The following FER variants were observed in gnomAD, a reference collection of about 807,000 sequenced individuals.
The protein encoded by FER is FER tyrosine kinase, also known as tyrosine-protein kinase Fer.
FER carries 63 observed loss-of-function variants against 111.0 expected under a neutral mutation model. The observed-to-expected ratio is 0.57, with a 90% CI of 0.46 to 0.70. FER has a LOEUF of 0.70. FER is among the 30% of genes least tolerant of loss of function. The probability of loss-of-function intolerance (pLI) is 0.00; values close to 1 mark genes in which losing one functional copy is unlikely to be tolerated. For missense variants in FER, 914 were observed against 954.0 expected, an observed-to-expected ratio of 0.96 and a Z score of 0.55; for synonymous variants, 327 against 313.9, an observed-to-expected ratio of 1.04 and a Z score of -0.44.
intron 13 of FER, among the ~76,000 whole-genome samples, chr5:109,024,505 C>G (rs962938514): frequency 6.6e-6 from 1 of 152,180 alleles, no homozygotes; most frequent in Non-Finnish European, 1.5e-5. Context: ...CTGGTAGCCA[C>G]TGGGGACAGT....
intron 17 of FER, among the ~76,000 whole-genome samples, chr5:109,145,732 G>C (rs1227679053): frequency 1.3e-5 from 2 of 152,018 alleles, no homozygotes; most frequent in East Asian, 3.9e-4. Flanking sequence ...ATTTGTGGAA[G>C]GGAGGCTGTA....
intron 13 of FER, among the ~76,000 whole-genome samples, chr5:108,993,768 T>G (rs1450819358): frequency 6.6e-6 from 1 of 152,188 alleles, no homozygotes; most frequent in Non-Finnish European, 1.5e-5. Flanking sequence ...GCATCCCTGT[T>G]TCTCCATAGC....
At chr5:109,042,425 G>A (rs116073885) in intron 14 of FER, among the ~76,000 whole-genome samples, 1 of 152,152 alleles carries the variant, frequency 6.6e-6, no homozygotes, top group Non-Finnish European at 1.5e-5. Flanking sequence ...ATGATACAGA[G>A]TGATGAGTGT....
chr5:108,921,965 A>G (rs1043939126), intron 10 of FER, among the ~76,000 whole-genome samples: 9 of 152,174 alleles, frequency 5.9e-5, no homozygotes, highest in African/African-American at 2.2e-4. Context: ...GTAGTTGTAA[A>G]CTAGTTAATA....
At chr5:109,100,866 A>G (rs1561894872) in intron 17 of FER, among the ~76,000 whole-genome samples, 1 of 151,556 alleles carries the variant, frequency 6.6e-6, no homozygotes, top group African/African-American at 2.4e-5. Flanking sequence ...GTCTATTCTC[A>G]TTTTCCAAAG....
At chr5:109,141,975 G>A (rs1408336486) in intron 17 of FER, among the ~76,000 whole-genome samples, 4 of 152,162 alleles carry the variant, frequency 2.6e-5, no homozygotes, top group Admixed American at 2.6e-4. Flanking sequence ...GGACTTCATG[G>A]CCTGTTCTTC....
chr5:108,990,631 A>G (rs976538470), intron 13 of FER, among the ~76,000 whole-genome samples: 2 of 151,776 alleles, frequency 1.3e-5, no homozygotes, highest in Admixed American at 1.3e-4. Flanking sequence ...AAGTATTAAT[A>G]GGAATGCTAT....
chr5:108,968,129 C>T (rs1760144207), intron 13 of FER, among the ~76,000 whole-genome samples: 1 of 152,236 alleles, frequency 6.6e-6, no homozygotes, highest in Admixed American at 6.5e-5. Flanking sequence ...TGGCTCAGGC[C>T]TGTAATCCCA....
chr5:109,012,706 A>G (rs1347634715), intron 13 of FER, among the ~76,000 whole-genome samples: 2 of 152,374 alleles, frequency 1.3e-5, no homozygotes, highest in East Asian at 1.9e-4. Flanking sequence ...AAGTGAATGT[A>G]GAGGTATGGC....
intron 17 of FER, among the ~76,000 whole-genome samples, chr5:109,117,410 G>A (rs1750379559): frequency 6.6e-6 from 1 of 152,074 alleles, no homozygotes; most frequent in African/African-American, 2.4e-5. Flanking sequence ...TAAGGACATT[G>A]TCGTGTACTT....
chr5:109,184,590 C>T (rs1205005633), intron 18 of FER, among the ~76,000 whole-genome samples: 1 of 152,078 alleles, frequency 6.6e-6, no homozygotes, highest in Non-Finnish European at 1.5e-5. Context: ...TCTGTATAAC[C>T]TACATTTTCT....
intron 3 of FER, among the ~76,000 whole-genome samples, chr5:108,831,931 A>G (rs1313748097): frequency 6.6e-6 from 1 of 152,180 alleles, no homozygotes; most frequent in African/African-American, 2.4e-5. Context: ...GTTTCTGAAT[A>G]GAATATTGAA....
chr5:109,093,669 C>T (rs1011242355), intron 16 of FER, among the ~76,000 whole-genome samples: 1 of 151,786 alleles, frequency 6.6e-6, no homozygotes, highest in Non-Finnish European at 1.5e-5. Flanking sequence ...AATATTTTAC[C>T]CTTTTTAAAT....
intron 5 of FER, among the ~76,000 whole-genome samples, chr5:108,844,608 C>T (rs889797573): frequency 6.6e-6 from 1 of 151,974 alleles, no homozygotes; most frequent in Non-Finnish European, 1.5e-5. Context: ...GTCTTTCACC[C>T]CTGAAAAATT....
intron 10 of FER, among the ~76,000 whole-genome samples, chr5:108,945,694 T>G (rs1756889648): frequency 6.7e-6 from 1 of 148,726 alleles, no homozygotes; most frequent in Non-Finnish European, 1.5e-5. Context: ...CCATATACTT[T>G]TATTCCTGTT....
chr5:108,962,015 A>C (rs73211525), intron 13 of FER, among the ~76,000 whole-genome samples: 13,422 of 152,174 alleles, frequency 0.088, 1,136 homozygotes, highest in African/African-American at 0.23. Flanking sequence ...CTCTGCTCCT[A>C]CCCATAAAAA....
intron 10 of FER, among the ~76,000 whole-genome samples, chr5:108,915,298 T>A (rs1348463444): frequency 6.6e-6 from 1 of 151,806 alleles, no homozygotes; most frequent in Non-Finnish European, 1.5e-5. Flanking sequence ...TGTGGTGAAA[T>A]CCCGTCTCTA....
At chr5:109,159,984 G>A (rs796773508) in intron 17 of FER, among the ~76,000 whole-genome samples, 42 of 152,240 alleles carry the variant, frequency 2.8e-4, no homozygotes, top group African/African-American at 9.4e-4. Flanking sequence ...TGGTGGGGGT[G>A]GGGATCCCAA....
At chr5:109,183,405 C>T (rs1036052037) in intron 18 of FER, among the ~76,000 whole-genome samples, 30 of 152,022 alleles carry the variant, frequency 2.0e-4, no homozygotes, top group African/African-American at 6.3e-4. Flanking sequence ...CCCGCCACCA[C>T]GCCCAGCTAA....
Sources: allele counts gnomAD v4.1 joint callset (sites outside exome capture counted in the v4.1 genomes callset), GRCh38; gene constraint gnomAD v4.1.1; transcripts MANE v1.5; gene names NCBI Gene and HGNC (gene_info 2026-07-23, HGNC 2026-07-21).